Variants in STK40 observed in about 807,000 individuals in gnomAD.
STK40 encodes serine/threonine-protein kinase 40.
Under a neutral mutation model 47.9 loss-of-function variants are expected in STK40, and 13 were observed. The observed-to-expected ratio is 0.27, with a 90% confidence interval of 0.18 to 0.43. STK40 has a LOEUF of 0.43. Ranked by LOEUF, STK40 falls within the 20% of genes least tolerant of loss-of-function variation. The pLI is 1.00. For missense variants in STK40, 460 were observed against 595.1 expected (o/e 0.77, Z 2.36); for synonymous variants, 225 against 243.2 (o/e 0.93, Z 0.69).
At position 36,342,718 on chromosome 1, in the gene STK40, T is replaced by C. The variant is rs528956138; in HGVS notation, c.1089+646A>G. 48 of 164,570 alleles carry C rather than the reference T, an allele frequency of 2.9e-4. No homozygotes were observed. In the South Asian group the frequency reaches 7.9e-3, roughly 27 times the overall value. The allele number at this position is 164,570 out of a possible 1,614,324, so 10.2% of individuals were successfully genotyped here. ...GAGGTGGGTAGGGATTGGAACTCTC[T>C]TTCCTCGGGGGCCAGGAGGCTCTGG... On this transcript the variant is annotated intron_variant, in intron 10 of 10. Transcript: ENST00000373132.
At chr1:36,381,915 C>T (rs573984065) in intron 1 of STK40, among the ~76,000 whole-genome samples, 10 of 152,240 alleles carry the variant, frequency 6.6e-5, no homozygotes, top group African/African-American at 2.4e-4. Context: ...CCAAACTGTG[C>T]ACATGTTAAC....
rs574757241 is a variant in STK40, at chr1:36,385,352, C to T, written c.-9+371G>A. 1.4e-4 allele frequency among the ~76,000 whole-genome samples: 22 copies of T among 152,332 alleles called. No homozygotes were observed. In the East Asian group the frequency reaches 3.1e-3, roughly 21 times the overall value. On this transcript the variant is annotated intron_variant, in intron 1 of 10. Coordinates refer to ENST00000373132, the MANE Select transcript of STK40 (RefSeq NM_001282547.2). ...GGACTCGTTCTAACTATCAAGTCAC[C>T]CTCGGGATTAGGAGGGAAACACGGA...
intron 7 of STK40, among the ~76,000 whole-genome samples, chr1:36,347,943 C>T (rs1570437122): frequency 6.6e-6 from 1 of 152,180 alleles, no homozygotes; most frequent in African/African-American, 2.4e-5. Flanking sequence ...CCACTGCACC[C>T]GGCCTGTGAG....
In STK40 at chr1:36,355,477, C is replaced by T. The variant is rs752807777; in HGVS notation, c.343-44G>A. ...GCGCAGGGCTTGGCTGTGAACTTGG[C>T]AGGGCCAAGGCCAGGGCCTGGGACT... On this transcript the variant is annotated intron_variant, in intron 4 of 10. Coordinates refer to ENST00000373132, the MANE Select transcript of STK40 (RefSeq NM_001282547.2). The T allele has an allele frequency of 4.4e-6, 7 of 1,603,882 alleles. No homozygotes were observed. The South Asian group carries it at 7.7e-5, about 18-fold the overall frequency.
In STK40 at chr1:36,341,962, C is replaced by G; in HGVS notation, c.1101G>C (p.Thr367=). 6.2e-7 allele frequency: 1 copy of G among 1,613,118 alleles called. No individual in the cohort carries two copies. The highest frequency in any genetic ancestry group is 8.5e-7 in the Non-Finnish European group (1 of 1,179,514). The part of the protein sequence containing the change: ...NADSSQEAKV[T]EECSQYEFEN... Reference sequence around the variant, plus strand: ...CAAACTCGTACTGGGAGCACTCCTCCGTCACCTTCGCCTTTGAGGCGGGGA... The same window carrying G: ...CAAACTCGTACTGGGAGCACTCCTCGGTCACCTTCGCCTTTGAGGCGGGGA... Residue 367 remains threonine (T), a synonymous_variant, in exon 11 of 11, where the codon ACG becomes ACC. Coordinates refer to ENST00000373132, the MANE Select transcript of STK40 (RefSeq NM_001282547.2).
intron 1 of STK40, among the ~76,000 whole-genome samples, chr1:36,381,373 C>G (rs1647037807): frequency 6.6e-6 from 1 of 152,208 alleles, no homozygotes; most frequent in Non-Finnish European, 1.5e-5. Context: ...TCCTGTGGTT[C>G]CTAAAGTGCC....
At chr1:36,342,962 A>C in intron 10 of STK40, 2 of 565,386 alleles carry the variant, frequency 3.5e-6, no homozygotes, top group Non-Finnish European at 3.2e-6. Flanking sequence ...CACTTTCTCC[A>C]GTGCAGGGAA....
rs1224586500 is a variant in STK40 at position 36,340,963 on chromosome 1, C to G, written c.*792G>C. The G allele has an allele frequency of 1.3e-5, 2 of 152,580 alleles. No individual in the cohort carries two copies. Among genetic ancestry groups the G allele is most frequent in the Non-Finnish European group, 2.9e-5 (2 of 68,346 alleles). The allele number at this position is 152,580 out of a possible 1,614,324, so 9.5% of individuals were successfully genotyped here. A position where few individuals can be genotyped will look rare whatever the true frequency, so the allele number is the denominator to read the frequency against. ...CGCGTGTACAGCACCTCAGAGAAGCCACTGAGACGGGAGAGAAAGAGCCAG... is the reference window on the plus strand; with the variant it reads ...CGCGTGTACAGCACCTCAGAGAAGCGACTGAGACGGGAGAGAAAGAGCCAG... On this transcript the variant is annotated 3_prime_UTR_variant, in exon 11 of 11. Transcript: ENST00000373132.
chr1:36,362,502 T>C (rs1206138207), intron 1 of STK40: 3 of 152,166 alleles, frequency 2.0e-5, no homozygotes, highest in Non-Finnish European at 4.4e-5. Flanking sequence ...TGCTGAAGCA[T>C]CCAACGCGAG....
chr1:36,358,490 A>ATTGTG, intron 3 of STK40, 108 bp from the exon 4 acceptor site: 1 of 1,422,732 alleles, frequency 7.0e-7, no homozygotes, highest in Non-Finnish European at 9.5e-7. Context: ...ACATTTGTGC[A>ATTGTG]CAATGCACAC....
chr1:36,356,694 G>T (rs1324666493), intron 4 of STK40, among the ~76,000 whole-genome samples: 1 of 152,002 alleles, frequency 6.6e-6, no homozygotes, highest in African/African-American at 2.4e-5. Context: ...CAAAGTGCTG[G>T]GTTTACAGGC....
intron 1 of STK40, among the ~76,000 whole-genome samples, chr1:36,368,823 G>C (rs1240950393): frequency 6.6e-6 from 1 of 152,214 alleles, no homozygotes; most frequent in Non-Finnish European, 1.5e-5. Flanking sequence ...TAATAGTATT[G>C]TATCAGTTAA....
chr1:36,347,996 A>G (rs762971547), intron 7 of STK40, among the ~76,000 whole-genome samples: 1 of 152,206 alleles, frequency 6.6e-6, no homozygotes, highest in African/African-American at 2.4e-5. Flanking sequence ...TCCCCACTAG[A>G]AAGTCAGCTC....
intron 1 of STK40, among the ~76,000 whole-genome samples, chr1:36,378,792 T>C (rs1647014749): frequency 6.6e-6 from 1 of 152,098 alleles, no homozygotes; most frequent in Admixed American, 6.5e-5. Context: ...TCCTGTTTTT[T>C]CAGAAGGGAC....
At chr1:36,348,092 C>A (rs187960597) in intron 7 of STK40, among the ~76,000 whole-genome samples, 13 of 152,352 alleles carry the variant, frequency 8.5e-5, no homozygotes, top group South Asian at 2.1e-4. Flanking sequence ...TGGCCCTCAG[C>A]AAACAGTAAC....
chr1:36,379,760 C>T (rs1479910979), intron 1 of STK40, among the ~76,000 whole-genome samples: 1 of 152,104 alleles, frequency 6.6e-6, no homozygotes, highest in East Asian at 1.9e-4. Context: ...AACAGATTCA[C>T]TTGCTGGGGG....
chr1:36,376,777 T>A (rs571740021), intron 1 of STK40, among the ~76,000 whole-genome samples: 1 of 152,136 alleles, frequency 6.6e-6, no homozygotes, highest in South Asian at 2.1e-4. Flanking sequence ...CACTTTTGAA[T>A]ACGCATAGGC....
At chr1:36,363,164 A>G (rs1488256776) in intron 1 of STK40, among the ~76,000 whole-genome samples, 2 of 151,988 alleles carry the variant, frequency 1.3e-5, no homozygotes, top group African/African-American at 4.8e-5. Flanking sequence ...CAAAAAAAAA[A>G]TTAGCTGGGC....
intron 6 of STK40, among the ~76,000 whole-genome samples, chr1:36,352,433 G>A (rs1035147350): frequency 1.2e-4 from 19 of 152,316 alleles, no homozygotes; most frequent in African/African-American, 3.8e-4. Context: ...GCTCAGAGAA[G>A]TGCTTGGTAC....
Sources: gnomAD v4.1 joint callset for allele counts (sites outside exome capture counted in the v4.1 genomes callset) on GRCh38, gnomAD v4.1.1 for gene constraint, MANE v1.5 for transcripts, NCBI Gene and HGNC (gene_info 2026-07-23, HGNC 2026-07-21) for gene names.